CAPZB: variants seen among roughly 807,000 people sequenced by gnomAD.
CAPZB encodes F-actin-capping protein subunit beta.
In CAPZB, 2 loss-of-function variants were observed where a neutral mutation model predicts 38.1. The ratio of observed to expected loss-of-function variants is 0.05; its 90% CI spans 0.02 to 0.17. The LOEUF is 0.17. CAPZB is among the 10% of genes least tolerant of loss of function. CAPZB has a pLI of 1.00. For missense variants in CAPZB, 161 were observed against 334.2 expected (o/e 0.48, Z 4.04); for synonymous variants, 107 against 127.4 (o/e 0.84, Z 1.08).
chr1:19,397,806 T>C (rs2094280204), intron 2 of CAPZB, among the ~76,000 whole-genome samples: 1 of 142,670 alleles, frequency 7.0e-6, no homozygotes, highest in South Asian at 2.3e-4. Context: ...TGGGCTACCA[T>C]GGAAGTTACA....
chr1:19,376,575 C>CCT (rs1486442454), intron 4 of CAPZB, among the ~76,000 whole-genome samples: 1 of 152,240 alleles, frequency 6.6e-6, no homozygotes, highest in Non-Finnish European at 1.5e-5. Context: ...ACCAGCCCCC[C>CCT]TGCCTGGCTG....
At chr1:19,408,952 T>C (rs948814032) in intron 2 of CAPZB, among the ~76,000 whole-genome samples, 5 of 152,216 alleles carry the variant, frequency 3.3e-5, no homozygotes, top group African/African-American at 1.2e-4. Flanking sequence ...AAAAAAGCTA[T>C]GTTTCCTTCT....
intron 4 of CAPZB, among the ~76,000 whole-genome samples, chr1:19,367,227 C>T (rs569968584): frequency 1.3e-5 from 2 of 152,332 alleles, no homozygotes; most frequent in South Asian, 4.1e-4. Flanking sequence ...CCAGCCTGCA[C>T]TCAAGATGCA....
intron 2 of CAPZB, among the ~76,000 whole-genome samples, chr1:19,398,247 C>G (rs1158158006): frequency 2.0e-5 from 2 of 97,836 alleles, no homozygotes; most frequent in African/African-American, 5.9e-5. Context: ...GCTCAGTCTC[C>G]CGATGAGCCA....
chr1:19,464,961 G>A (rs1056395369), intron 1 of CAPZB, among the ~76,000 whole-genome samples: 1 of 152,154 alleles, frequency 6.6e-6, no homozygotes, highest in African/African-American at 2.4e-5. Context: ...TCTATAACTC[G>A]ATTGTGGTGG....
chr1:19,393,214 T>C (rs902790595), intron 2 of CAPZB, among the ~76,000 whole-genome samples: 1 of 152,184 alleles, frequency 6.6e-6, no homozygotes, highest in Non-Finnish European at 1.5e-5. Flanking sequence ...ACCTCTGCAA[T>C]GAGAAGGCAC....
intron 6 of CAPZB, among the ~76,000 whole-genome samples, chr1:19,347,876 C>T (rs939618944): frequency 1.3e-5 from 2 of 152,206 alleles, no homozygotes; most frequent in African/African-American, 2.4e-5. Context: ...TAGATTCCGA[C>T]GCCTTTGCTC....
intron 4 of CAPZB, among the ~76,000 whole-genome samples, chr1:19,367,132 G>C (rs2094093208): frequency 6.6e-6 from 1 of 152,266 alleles, no homozygotes; most frequent in Non-Finnish European, 1.5e-5. Flanking sequence ...GCTGCCCAGT[G>C]GGCACAATGT....
In CAPZB at chr1:19,485,450, C is replaced by A; in HGVS notation, c.-12G>T. ...GCGGCCTTTACCATGGTGGCGGCGG[C>A]GGCGGCGGTCCCGGTCCCGGCGTCA... is the stretch of plus-strand genomic sequence containing the variant. On this transcript the variant is annotated 5_prime_UTR_variant, in exon 1 of 9. Transcript: ENST00000264202. 1.6e-6 allele frequency: 2 copies of A among 1,230,724 alleles called. No individual in the cohort carries two copies. The highest frequency in any genetic ancestry group is 1.0e-6 in the Non-Finnish European group (1 of 987,664). The allele number at this position is 1,230,724 out of a possible 1,614,324, so 76.2% of individuals were successfully genotyped here. A position where few individuals can be genotyped will look rare whatever the true frequency, so the allele number is the denominator to read the frequency against.
At chr1:19,479,510 G>T (rs903477623) in intron 1 of CAPZB, among the ~76,000 whole-genome samples, 1 of 152,174 alleles carries the variant, frequency 6.6e-6, no homozygotes, top group African/African-American at 2.4e-5. Flanking sequence ...TGTCCAATCA[G>T]AACACCTACA....
intron 1 of CAPZB, among the ~76,000 whole-genome samples, chr1:19,425,507 C>T (rs543021349): frequency 4.6e-5 from 7 of 152,130 alleles, no homozygotes; most frequent in African/African-American, 1.7e-4. Flanking sequence ...GGGAGTTACC[C>T]CATTTTAAGC....
intron 1 of CAPZB, among the ~76,000 whole-genome samples, chr1:19,481,182 C>T (rs1455625881): frequency 1.3e-5 from 2 of 152,232 alleles, no homozygotes; most frequent in Non-Finnish European, 1.5e-5. Context: ...GAGTGCATAG[C>T]ATGTGGCTGG....
chr1:19,406,689 C>T (rs1336041195), intron 2 of CAPZB, among the ~76,000 whole-genome samples: 2 of 152,124 alleles, frequency 1.3e-5, no homozygotes, highest in African/African-American at 2.4e-5. Flanking sequence ...TTGGTTTCCT[C>T]ATCTGTAAAA....
intron 1 of CAPZB, among the ~76,000 whole-genome samples, chr1:19,469,247 A>G (rs1408768924): frequency 6.6e-6 from 1 of 152,240 alleles, no homozygotes; most frequent in Admixed American, 6.5e-5. Context: ...GGTGGTGGCC[A>G]GAGGATTGTG....
intron 1 of CAPZB, among the ~76,000 whole-genome samples, chr1:19,471,655 G>A (rs2094587863): frequency 6.6e-6 from 1 of 152,070 alleles, no homozygotes. Context: ...ACAAGGTCAG[G>A]AGATCAAGAC....
chr1:19,355,017 G>A (rs937258071), intron 6 of CAPZB, among the ~76,000 whole-genome samples: 2 of 152,144 alleles, frequency 1.3e-5, no homozygotes, highest in Non-Finnish European at 2.9e-5. Flanking sequence ...CTGCCCAGAG[G>A]CCAAAAAGAG....
chr1:19,466,620 T>C (rs1030344218), intron 1 of CAPZB, among the ~76,000 whole-genome samples: 2 of 152,216 alleles, frequency 1.3e-5, no homozygotes, highest in East Asian at 3.9e-4. Context: ...GGATCGGGAA[T>C]AGTTCAACAT....
intron 4 of CAPZB, among the ~76,000 whole-genome samples, chr1:19,370,571 T>C (rs904964): frequency 0.19 from 28,391 of 152,110 alleles, 3,249 homozygotes; most frequent in Non-Finnish European, 0.24. Flanking sequence ...AAGCACCCTC[T>C]ACCTAGCACA....
intron 4 of CAPZB, among the ~76,000 whole-genome samples, chr1:19,367,722 C>A (rs148743756): frequency 6.6e-6 from 1 of 152,212 alleles, no homozygotes. Flanking sequence ...TAGGCATGTG[C>A]GACTTTAATG....
Sources: allele counts gnomAD v4.1 joint callset (sites outside exome capture counted in the v4.1 genomes callset), GRCh38; gene constraint gnomAD v4.1.1; transcripts MANE v1.5; gene names NCBI Gene and HGNC (gene_info 2026-07-23, HGNC 2026-07-21).